Variants in TENM3 observed in about 807,000 individuals in gnomAD.
TENM3 encodes teneurin transmembrane protein 3.
A neutral mutation model predicts 255.1 loss-of-function variants in TENM3; 63 were observed. The observed-to-expected ratio is 0.25, with a 90% confidence interval of 0.20 to 0.30. TENM3 has a LOEUF of 0.30. Ranked by LOEUF, TENM3 falls within the 10% of genes least tolerant of loss-of-function variation. TENM3 has a pLI of 1.00. For synonymous variants in TENM3, 1,306 were observed against 1,322.3 expected (o/e 0.99, Z 0.27); for missense variants, 2,929 against 3,461.1 (o/e 0.85, Z 3.86).
At chr4:182,622,272 A>G (rs567356194) in intron 4 of TENM3, among the ~76,000 whole-genome samples, 6 of 150,636 alleles carry the variant, frequency 4.0e-5, no homozygotes, top group African/African-American at 1.2e-4. Flanking sequence ...GGCTCCTCCC[A>G]GGAGGCGGAG....
the TENM3 span, among the ~76,000 whole-genome samples, chr4:181,982,002 T>A: frequency 6.6e-6 from 1 of 152,102 alleles, no homozygotes; most frequent in Non-Finnish European, 1.5e-5. Flanking sequence ...AATGTTTGCC[T>A]GGGGAGTGAA....
the TENM3 span, among the ~76,000 whole-genome samples, chr4:181,531,310 G>A: frequency 6.6e-6 from 1 of 152,186 alleles, no homozygotes; most frequent in South Asian, 2.1e-4. Flanking sequence ...GTGCAGGAGT[G>A]AACCCCAACG....
intron 4 of TENM3, among the ~76,000 whole-genome samples, chr4:182,603,763 A>AG (rs1748124630): frequency 8.1e-6 from 1 of 123,058 alleles, no homozygotes; most frequent in African/African-American, 2.7e-5. Flanking sequence ...TTTGGCAATT[A>AG]TTTATATATA....
chr4:181,465,978 CT>C, the TENM3 span, among the ~76,000 whole-genome samples: 1 of 152,160 alleles, frequency 6.6e-6, no homozygotes, highest in African/African-American at 2.4e-5. Flanking sequence ...TGACTCCACA[CT>C]TTACCTTCAA....
At chr4:182,161,725 A>G (rs1244688841) in intron 1 of TENM3, among the ~76,000 whole-genome samples, 1 of 105,636 alleles carries the variant, frequency 9.5e-6, no homozygotes, top group African/African-American at 3.7e-5. Context: ...ATATGTGTAT[A>G]TATATATACA....
the TENM3 span, among the ~76,000 whole-genome samples, chr4:181,484,550 T>C: frequency 6.6e-6 from 1 of 152,202 alleles, no homozygotes; most frequent in Non-Finnish European, 1.5e-5. Context: ...AATCTAAATT[T>C]ACTGCATAGT....
chr4:182,519,724 A>G (rs4862074), intron 3 of TENM3, among the ~76,000 whole-genome samples: 41,633 of 152,112 alleles, frequency 0.27, 6,480 homozygotes, highest in South Asian at 0.37. Flanking sequence ...ACAGTATTAC[A>G]TAATCCAAAG....
At chr4:181,974,117 A>T in the TENM3 span, among the ~76,000 whole-genome samples, 1 of 152,206 alleles carries the variant, frequency 6.6e-6, no homozygotes, top group Non-Finnish European at 1.5e-5. Flanking sequence ...GAGACTGCTC[A>T]TTCAAGGAGT....
At chr4:182,555,075 C>T (rs765111707) in intron 3 of TENM3, among the ~76,000 whole-genome samples, 4 of 152,026 alleles carry the variant, frequency 2.6e-5, no homozygotes, top group Admixed American at 1.3e-4. Context: ...TTACTTAGCT[C>T]GCATTAATGG....
the TENM3 span, among the ~76,000 whole-genome samples, chr4:181,958,256 G>A: frequency 2.6e-5 from 4 of 152,148 alleles, no homozygotes; most frequent in Non-Finnish European, 4.4e-5. Flanking sequence ...GGGTGATTAA[G>A]TACCTCTGCA....
At chr4:182,066,095 AG>A in the TENM3 span, among the ~76,000 whole-genome samples, 2,324 of 152,262 alleles carry the variant, frequency 0.015, 52 homozygotes, top group African/African-American at 0.053. Flanking sequence ...CACAGCAACT[AG>A]TTTTACGTTC....
At chr4:181,729,735 C>T in the TENM3 span, among the ~76,000 whole-genome samples, 2 of 152,112 alleles carry the variant, frequency 1.3e-5, no homozygotes, top group African/African-American at 4.8e-5. Context: ...GTTGCCCTGC[C>T]GGCCCACGAG....
chr4:181,987,454 G>A, the TENM3 span, among the ~76,000 whole-genome samples: 2 of 152,070 alleles, frequency 1.3e-5, no homozygotes, highest in Non-Finnish European at 2.9e-5. Flanking sequence ...CAAAGGAATT[G>A]GGCTTCCCAG....
chr4:182,614,771 A>G (rs1749317427), intron 4 of TENM3, among the ~76,000 whole-genome samples: 1 of 152,014 alleles, frequency 6.6e-6, no homozygotes. Context: ...GAAAGAAAAC[A>G]CTTTCTCTTT....
chr4:182,227,637 CTTTTTT>C (rs531262242), intron 1 of TENM3, among the ~76,000 whole-genome samples: 1 of 127,288 alleles, frequency 7.9e-6, no homozygotes, highest in Non-Finnish European at 1.7e-5. Context: ...ATGTGCAGGG[CTTTTTT>C]TTTTTTTTTT....
chr4:181,867,531 C>T, the TENM3 span, among the ~76,000 whole-genome samples: 1 of 152,128 alleles, frequency 6.6e-6, no homozygotes, highest in African/African-American at 2.4e-5. Flanking sequence ...TCTTTGTTTG[C>T]TTAATTTCCT....
At chr4:182,688,450 A>G in intron 12 of TENM3, 99 bp downstream of exon 12, 1 of 932,654 alleles carries the variant, frequency 1.1e-6, no homozygotes, top group Non-Finnish European at 1.5e-6. Context: ...TCTTTACGTT[A>G]TTTTTTACTT....
chr4:182,156,674 G>A (rs1472817036), intron 1 of TENM3, among the ~76,000 whole-genome samples: 2 of 151,282 alleles, frequency 1.3e-5, no homozygotes, highest in Admixed American at 6.6e-5. Context: ...TTAATTTGAT[G>A]TAGCAAATTT....
the TENM3 span, among the ~76,000 whole-genome samples, chr4:181,809,472 C>T: frequency 7.2e-5 from 11 of 152,218 alleles, no homozygotes; most frequent in African/African-American, 1.4e-4. Flanking sequence ...GTTTGTGGCT[C>T]GTTGGTTCGA....
Sources: gnomAD v4.1 joint callset for allele counts (sites outside exome capture counted in the v4.1 genomes callset) on GRCh38, gnomAD v4.1.1 for gene constraint, MANE v1.5 for transcripts, NCBI Gene and HGNC (gene_info 2026-07-23, HGNC 2026-07-21) for gene names.